CTNNA2: variants seen among roughly 807,000 people sequenced by gnomAD.
CTNNA2 encodes catenin alpha 2.
Under a neutral mutation model 101.0 loss-of-function variants are expected in CTNNA2, and 42 were observed. The ratio of observed to expected loss-of-function variants is 0.42; its 90% CI spans 0.32 to 0.54. The LOEUF is 0.54. Ranked by LOEUF, CTNNA2 falls within the 20% of genes least tolerant of loss-of-function variation. The probability of loss-of-function intolerance (pLI) is 0.14; values close to 1 mark genes in which losing one functional copy is unlikely to be tolerated. For synonymous variants in CTNNA2, 450 were observed against 456.4 expected (o/e 0.99, Z 0.18); for missense variants, 871 against 1,223.1 (o/e 0.71, Z 4.29).
At chr2:79,234,713 G>A (rs1276339603) in intron 2 of CTNNA2, among the ~76,000 whole-genome samples, 1 of 151,646 alleles carries the variant, frequency 6.6e-6, no homozygotes, top group Non-Finnish European at 1.5e-5. Flanking sequence ...TTTATTGAAA[G>A]TTTTGTTCAT....
rs74852059 is a variant in CTNNA2 at position 79,977,087 on chromosome 2, T to C, written c.1056+67290T>C. ...AATGTTCTACATATATTTAAAATAG[T>C]GTTTCACAGAAATGTATTAATAGGA... On this transcript the variant is annotated intron_variant, in intron 7 of 18. Transcript: ENST00000402739. Among the ~76,000 whole-genome samples the C allele has an allele frequency of 7.0e-3, 1,064 of 152,308 alleles. 15 individuals carry two copies. Among genetic ancestry groups the C allele is most frequent in the Middle Eastern group, 0.034 (10 of 294 alleles).
intron 3 of CTNNA2, among the ~76,000 whole-genome samples, chr2:79,796,268 C>T (rs1675685732): frequency 1.3e-5 from 2 of 151,960 alleles, no homozygotes; most frequent in South Asian, 4.2e-4. Flanking sequence ...ATCCCTTTAA[C>T]AGCTCTTTAA....
At chr2:80,459,631 A>T (rs114171773) in intron 9 of CTNNA2, among the ~76,000 whole-genome samples, 1 of 152,070 alleles carries the variant, frequency 6.6e-6, no homozygotes, top group African/African-American at 2.4e-5. Context: ...CAGTGCTCCA[A>T]TTCCTAACCT....
intron 9 of CTNNA2, among the ~76,000 whole-genome samples, chr2:80,516,511 A>G (rs529170120): frequency 1.4e-4 from 22 of 152,332 alleles, no homozygotes; most frequent in African/African-American, 5.3e-4. Flanking sequence ...AATAGGTCCA[A>G]GATTAACTCT....
intron 2 of CTNNA2, among the ~76,000 whole-genome samples, chr2:79,204,831 C>T (rs1173022480): frequency 1.3e-5 from 2 of 152,150 alleles, no homozygotes; most frequent in Non-Finnish European, 2.9e-5. Context: ...AGAGAGGAAA[C>T]CCACCTCCAC....
Position 79,744,426 on chromosome 2 carries a change from G to A in CTNNA2, c.142G>A (p.Gly48Ser), listed in dbSNP as rs780217471. ...CAACACAAGCAACAAAGGCCCATCT[G>A]GTAAAAAGAAAGGGAGGTCAAAGAA... is the stretch of plus-strand genomic sequence containing the variant. ...LVNTSNKGPSGKKKGRSKKAH... is the reference protein window; with the variant it reads ...LVNTSNKGPSSKKKGRSKKAH... The change falls in exon 3 of 19, where the codon GGT (glycine) becomes AGT (serine). Residue 48 changes from glycine to serine, a missense_variant. Physicochemically the swap from Gly to Ser is moderately conservative, Grantham distance 56. Transcript: ENST00000402739. 1.2e-6 allele frequency: 2 copies of A among 1,613,830 alleles called. No individual in the cohort carries two copies. The highest frequency in any genetic ancestry group is 2.2e-5 in the East Asian group (1 of 44,846).
At chr2:79,755,889 A>C (rs1558901546) in intron 3 of CTNNA2, among the ~76,000 whole-genome samples, 1 of 152,236 alleles carries the variant, frequency 6.6e-6, no homozygotes, top group Non-Finnish European at 1.5e-5. Flanking sequence ...AATGACAAAA[A>C]GACAAAAAGA....
At chr2:79,437,458 A>G (rs1678729534) in intron 4 of CTNNA2, among the ~76,000 whole-genome samples, 1 of 151,986 alleles carries the variant, frequency 6.6e-6, no homozygotes. Context: ...TTGAGTAGCA[A>G]GGATCAGGAA....
intron 1 of CTNNA2, among the ~76,000 whole-genome samples, chr2:79,544,979 G>A (rs972454577): frequency 6.6e-6 from 1 of 152,072 alleles, no homozygotes; most frequent in African/African-American, 2.4e-5. Flanking sequence ...ACCTGAGGGA[G>A]CAATAGGCCG....
At chr2:80,076,992 G>A (rs1698800094) in intron 7 of CTNNA2, among the ~76,000 whole-genome samples, 1 of 152,082 alleles carries the variant, frequency 6.6e-6, no homozygotes, top group African/African-American at 2.4e-5. Flanking sequence ...CTTGCAGTGA[G>A]CCAAGATCAC....
At chr2:79,502,689 A>G (rs759830225) in intron 4 of CTNNA2, among the ~76,000 whole-genome samples, 2 of 152,146 alleles carry the variant, frequency 1.3e-5, no homozygotes, top group Non-Finnish European at 2.9e-5. Flanking sequence ...ATTAAAGGAG[A>G]TGAGTTTTGT....
chr2:79,806,227 T>A (rs201229462), intron 3 of CTNNA2, among the ~76,000 whole-genome samples: 3 of 149,580 alleles, frequency 2.0e-5, no homozygotes, highest in African/African-American at 4.9e-5. Context: ...GAGTTTTATT[T>A]AAAAAAAAAA....
intron 7 of CTNNA2, among the ~76,000 whole-genome samples, chr2:80,138,829 T>C (rs1241987392): frequency 6.6e-6 from 1 of 152,146 alleles, no homozygotes; most frequent in Non-Finnish European, 1.5e-5. Flanking sequence ...TCCTTAGAGA[T>C]CAATAAAAAT....
At chr2:80,320,654 CTGAG>C (rs1232648773) in intron 7 of CTNNA2, among the ~76,000 whole-genome samples, 2 of 136,458 alleles carry the variant, frequency 1.5e-5, no homozygotes, top group African/African-American at 3.0e-5. Context: ...TAATATTAGA[CTGAG>C]TGATTAATAT....
At chr2:80,176,477 G>C (rs891410793) in intron 7 of CTNNA2, among the ~76,000 whole-genome samples, 1 of 152,210 alleles carries the variant, frequency 6.6e-6, no homozygotes, top group Non-Finnish European at 1.5e-5. Context: ...ACGTGTCATA[G>C]CTGGTATTGA....
intron 3 of CTNNA2, among the ~76,000 whole-genome samples, chr2:79,857,526 G>T (rs1228585616): frequency 6.6e-6 from 1 of 152,180 alleles, no homozygotes; most frequent in African/African-American, 2.4e-5. Context: ...TGGATCTTGG[G>T]TGCCTCTATG....
chr2:79,425,146 G>A (rs1678580189), intron 4 of CTNNA2, among the ~76,000 whole-genome samples: 1 of 152,086 alleles, frequency 6.6e-6, no homozygotes, highest in African/African-American at 2.4e-5. Flanking sequence ...TTCACTCTAA[G>A]GTCAAACATG....
intron 2 of CTNNA2, among the ~76,000 whole-genome samples, chr2:79,238,434 T>C (rs193179772): frequency 3.5e-5 from 5 of 141,972 alleles, no homozygotes; most frequent in African/African-American, 9.1e-5. Flanking sequence ...GTTTGAAATA[T>C]AATATGAATT....
rs1192491098 is a variant in CTNNA2, at chr2:79,415,634, G to GA, written c.-135+41625dup. Among the ~76,000 whole-genome samples, 4 of 152,176 alleles carry GA rather than the reference G, an allele frequency of 2.6e-5. No homozygotes were observed. The East Asian group carries it at 7.8e-4, about 30-fold the overall frequency. On this transcript the variant is annotated intron_variant, in intron 4 of 21. Coordinates refer to the CTNNA2 transcript ENST00000466387. Reference sequence around the variant, plus strand: ...AAAATGCTTAAGGAATACTATGTGGGAAAATGGGCAATAGTGGGCTTCTTA... The same window carrying GA: ...AAAATGCTTAAGGAATACTATGTGGGAAAAATGGGCAATAGTGGGCTTCTTA...
Sources: gnomAD v4.1 joint callset for allele counts (sites outside exome capture counted in the v4.1 genomes callset) on GRCh38, gnomAD v4.1.1 for gene constraint, MANE v1.5 for transcripts, NCBI Gene and HGNC (gene_info 2026-07-23, HGNC 2026-07-21) for gene names.